The following SLC14A2 variants were observed in gnomAD, a reference collection of about 807,000 sequenced individuals.
SLC14A2 encodes the protein solute carrier family 14 member 2.
In SLC14A2, 91 loss-of-function variants were observed where a neutral mutation model predicts 104.6. The observed-to-expected ratio is 0.87, with a 90% CI of 0.73 to 1.04. The LOEUF is 1.04. Ranked by LOEUF, SLC14A2 falls within the 50% of genes least tolerant of loss-of-function variation. SLC14A2 has a pLI of 0.00. For missense variants in SLC14A2, 1,189 were observed against 1,156.0 expected (o/e 1.03, Z -0.41); for synonymous variants, 476 against 466.4 (o/e 1.02, Z -0.27).
In SLC14A2 at chr18:45,672,871, A is replaced by G; in HGVS notation, c.2230-29A>G. The G allele has an allele frequency of 3.1e-6, 5 of 1,599,874 alleles. No homozygotes were observed. In the African/African-American group the frequency reaches 5.4e-5, roughly 17 times the overall value. The stretch of plus-strand genomic sequence containing the variant: ...TCAAGTTGTCTCTTTTGCCTCCATA[A>G]TGAGCATGTAATCCTGTTATGCCTA... On this transcript the variant is annotated intron_variant, in intron 16 of 19. Coordinates refer to ENST00000255226, the MANE Select transcript of SLC14A2 (RefSeq NM_007163.4).
At chr18:45,391,633 T>G (rs1228344648) in intron 1 of SLC14A2, among the ~76,000 whole-genome samples, 1 of 152,198 alleles carries the variant, frequency 6.6e-6, no homozygotes, top group Admixed American at 6.5e-5. Flanking sequence ...TGGTGTGAGA[T>G]GGTATCTCAT....
chr18:45,243,877 G>A (rs2084342487), intron 1 of SLC14A2, among the ~76,000 whole-genome samples: 1 of 152,088 alleles, frequency 6.6e-6, no homozygotes, highest in Non-Finnish European at 1.5e-5. Context: ...TTTGGTTTTG[G>A]CATCCCAGGT....
chr18:45,383,277 T>C (rs994737197), intron 1 of SLC14A2, among the ~76,000 whole-genome samples: 3 of 152,176 alleles, frequency 2.0e-5, no homozygotes, highest in African/African-American at 7.2e-5. Context: ...TATTCAGTGA[T>C]GCGCAGAAAA....
chr18:45,216,816 G>A (rs1451627613), intron 1 of SLC14A2, among the ~76,000 whole-genome samples: 2 of 152,132 alleles, frequency 1.3e-5, no homozygotes, highest in African/African-American at 4.8e-5. Flanking sequence ...GCCCAAGAAG[G>A]TTAGGGCCTT....
intron 1 of SLC14A2, among the ~76,000 whole-genome samples, chr18:45,379,263 C>A (rs1598736991): frequency 1.3e-5 from 2 of 152,194 alleles, no homozygotes; most frequent in African/African-American, 4.8e-5. Context: ...TGTTGGACAG[C>A]TTTCTATGTT....
chr18:45,489,459 C>T (rs2087677381), intron 2 of SLC14A2, among the ~76,000 whole-genome samples: 1 of 151,768 alleles, frequency 6.6e-6, no homozygotes, highest in Non-Finnish European at 1.5e-5. Context: ...TGCAGTGAGC[C>T]GAGATCGTAC....
chr18:45,462,202 T>C (rs1011859652), intron 1 of SLC14A2, among the ~76,000 whole-genome samples: 1 of 152,222 alleles, frequency 6.6e-6, no homozygotes, highest in Admixed American at 6.5e-5. Flanking sequence ...TTCATACTAC[T>C]CTATAAATCT....
chr18:45,180,396 G>T, the SLC14A2 span, among the ~76,000 whole-genome samples: 1 of 152,116 alleles, frequency 6.6e-6, no homozygotes, highest in Non-Finnish European at 1.5e-5. Flanking sequence ...GACCATGCAG[G>T]TATTTGTTGA....
chr18:45,671,025 A>T (rs1285632319), intron 16 of SLC14A2, among the ~76,000 whole-genome samples: 1 of 152,198 alleles, frequency 6.6e-6, no homozygotes, highest in Non-Finnish European at 1.5e-5. Context: ...TTCTTGGACC[A>T]GAAACAAGAA....
intron 12 of SLC14A2, among the ~76,000 whole-genome samples, chr18:45,666,430 C>T: frequency 6.6e-6 from 1 of 152,146 alleles, no homozygotes; most frequent in East Asian, 1.9e-4. Flanking sequence ...GAATTATTAT[C>T]AGGCTTCCTT....
chr18:45,641,922 C>T (rs1484566567), intron 8 of SLC14A2, among the ~76,000 whole-genome samples: 1 of 152,194 alleles, frequency 6.6e-6, no homozygotes, highest in Non-Finnish European at 1.5e-5. Context: ...TTCTCATACA[C>T]CTGTATCCCA....
chr18:45,373,376 G>C (rs905750024), intron 1 of SLC14A2, among the ~76,000 whole-genome samples: 1 of 152,162 alleles, frequency 6.6e-6, no homozygotes, highest in East Asian at 1.9e-4. Flanking sequence ...TCTCCCAAAA[G>C]TCTATGATTT....
intron 1 of SLC14A2, among the ~76,000 whole-genome samples, chr18:45,355,175 G>C (rs562654228): frequency 6.6e-6 from 1 of 152,070 alleles, no homozygotes; most frequent in African/African-American, 2.4e-5. Context: ...TTGACCTTTC[G>C]CAAGGAGACA....
intron 2 of SLC14A2, chr18:45,528,182 C>CGG (rs145402403): frequency 6.2e-5 from 4 of 64,176 alleles, no homozygotes; most frequent in African/African-American, 2.5e-4. Context: ...TGTGTGTGTG[C>CGG]GGGGGGGGGG....
intron 1 of SLC14A2, among the ~76,000 whole-genome samples, chr18:45,406,396 A>G (rs1239326986): frequency 6.6e-6 from 1 of 152,214 alleles, no homozygotes; most frequent in Non-Finnish European, 1.5e-5. Context: ...ATTCTACCAC[A>G]TCTGCAGTAA....
At chr18:45,445,852 T>C (rs1357693607) in intron 1 of SLC14A2, among the ~76,000 whole-genome samples, 1 of 152,204 alleles carries the variant, frequency 6.6e-6, no homozygotes, top group Non-Finnish European at 1.5e-5. Context: ...AGAATTCTCT[T>C]TGAGCTAAAG....
intron 1 of SLC14A2, among the ~76,000 whole-genome samples, chr18:45,433,586 T>A (rs1297087895): frequency 6.6e-6 from 1 of 152,196 alleles, no homozygotes; most frequent in Non-Finnish European, 1.5e-5. Context: ...GTTAAAAAGA[T>A]CTAGAAAACT....
intron 2 of SLC14A2, among the ~76,000 whole-genome samples, chr18:45,602,110 G>A (rs768442666): frequency 1.3e-5 from 2 of 152,232 alleles, no homozygotes; most frequent in Middle Eastern, 6.8e-3. Flanking sequence ...CTAAACCTCA[G>A]TCAAAGAAGC....
chr18:45,463,461 G>A (rs1184725907), intron 1 of SLC14A2, among the ~76,000 whole-genome samples: 2 of 152,214 alleles, frequency 1.3e-5, no homozygotes, highest in Non-Finnish European at 2.9e-5. Flanking sequence ...CTCATGCACT[G>A]TAGATGCTCG....
Sources: allele counts gnomAD v4.1 joint callset (sites outside exome capture counted in the v4.1 genomes callset), GRCh38; gene constraint gnomAD v4.1.1; transcripts MANE v1.5; gene names NCBI Gene and HGNC (gene_info 2026-07-23, HGNC 2026-07-21).